SEL1L: variants seen among roughly 807,000 people sequenced by gnomAD.
The protein encoded by SEL1L is SEL1L adaptor subunit of SYVN1 ubiquitin ligase.
A neutral mutation model predicts 109.8 loss-of-function variants in SEL1L; 52 were observed. That is an observed-to-expected ratio of 0.47 (90% confidence interval 0.38 to 0.60). SEL1L has a LOEUF of 0.60. Ranked by LOEUF, SEL1L falls within the 20% of genes least tolerant of loss-of-function variation. SEL1L has a pLI of 0.00. For missense variants in SEL1L, 749 were observed against 962.2 expected (o/e 0.78, Z 2.93); for synonymous variants, 373 against 339.6 (o/e 1.10, Z -1.08).
intron 3 of SEL1L, among the ~76,000 whole-genome samples, chr14:81,521,980 T>C (rs927825618): frequency 5.3e-5 from 8 of 152,162 alleles, no homozygotes; most frequent in Non-Finnish European, 1.2e-4. Context: ...GGCTAATGTG[T>C]ATGTTTGTCT....
intron 3 of SEL1L, among the ~76,000 whole-genome samples, chr14:81,513,941 C>T (rs1384621433): frequency 6.6e-6 from 1 of 152,220 alleles, no homozygotes; most frequent in Non-Finnish European, 1.5e-5. Context: ...GTGAGACTCG[C>T]CCATCTATCC....
chr14:81,526,673 G>T, intron 3 of SEL1L, 60 bp downstream of exon 3: 2 of 1,274,196 alleles, frequency 1.6e-6, no homozygotes, highest in Non-Finnish European at 2.3e-6. Flanking sequence ...TTATTCATTA[G>T]CTTAAAATTT....
At chr14:81,493,467 G>A (rs1048182924) in intron 11 of SEL1L, among the ~76,000 whole-genome samples, 1 of 151,896 alleles carries the variant, frequency 6.6e-6, no homozygotes, top group Non-Finnish European at 1.5e-5. Flanking sequence ...CCGAGACTGC[G>A]CCACTGCACT....
chr14:81,491,757 T>TTC lies in SEL1L; in HGVS notation c.1254+721_1254+722dup, dbSNP rs1297347505. ...TTTATAAAGTTTCTAGACTTAAATG[T>TTC]TCTGTTCCCTTGATTGAGAACACAG... On this transcript the variant is annotated intron_variant, in intron 12 of 20. Coordinates refer to ENST00000336735, the MANE Select transcript of SEL1L (RefSeq NM_005065.6). 2.0e-5 allele frequency among the ~76,000 whole-genome samples: 3 copies of TTC among 152,232 alleles called. No homozygotes were observed. In the East Asian group the frequency reaches 5.8e-4, roughly 29 times the overall value.
Position 81,479,727 on chromosome 14 carries a change from G to C in SEL1L, c.2060C>G (p.Ala687Gly). 6.2e-7 allele frequency: 1 copy of C among 1,612,998 alleles called. No homozygotes were observed. The highest frequency in any genetic ancestry group is 8.5e-7 in the Non-Finnish European group (1 of 1,179,604). ...GLGIKQDIHL[A>G]KRFYDMAAEA... ...AGCTGCCATGTCATAAAAACGTTTC[G>C]CAAGGTGAATATCCTATAATACAGG... The change falls in exon 20 of 21, where the codon GCG (alanine) becomes GGG (glycine). Residue 687 changes from alanine (A) to glycine (G), a missense_variant. Transcript: ENST00000336735.
intron 20 of SEL1L, among the ~76,000 whole-genome samples, chr14:81,478,097 T>C (rs1903225806): frequency 6.6e-6 from 1 of 152,248 alleles, no homozygotes; most frequent in Non-Finnish European, 1.5e-5. Context: ...ATTGTTTTAG[T>C]ATCACTGATA....
chr14:81,533,741 G>C lies in SEL1L; in HGVS notation c.4C>G (p.Arg2Gly). ...AGCAGCGTCAGCCCTATCCGGACCC[G>C]CATCCTCCTCTCGGGGCCGGTGCCA... Reference protein sequence around the residue: MRVRIGLTLLLC... With the variant: MGVRIGLTLLLC... Residue 2 changes from arginine to glycine, a missense_variant, in exon 1 of 21, where the codon CGG (arginine) becomes GGG (glycine). Transcript: ENST00000336735. The C allele has an allele frequency of 6.2e-7, 1 of 1,612,892 alleles. No individual in the cohort carries two copies. Among genetic ancestry groups the C allele is most frequent in the Non-Finnish European group, 8.5e-7 (1 of 1,179,580 alleles).
intron 3 of SEL1L, among the ~76,000 whole-genome samples, chr14:81,523,048 T>G (rs1884985022): frequency 6.6e-6 from 1 of 152,192 alleles, no homozygotes; most frequent in Non-Finnish European, 1.5e-5. Context: ...ATATTTGATC[T>G]TCATCCGTTT....
chr14:81,493,609 T>C (rs1261291868), intron 11 of SEL1L, among the ~76,000 whole-genome samples: 1 of 152,216 alleles, frequency 6.6e-6, no homozygotes, highest in African/African-American at 2.4e-5. Context: ...TCTCCAATGA[T>C]GACTGTTCTG....
At chr14:81,488,005 GATTT>G (rs1459444122) in intron 14 of SEL1L, 63 bp from the exon 15 acceptor site, 3 of 1,252,582 alleles carry the variant, frequency 2.4e-6, no homozygotes, top group South Asian at 1.4e-5. Context: ...AAAGTTAAGA[GATTT>G]ATTTAAAAAA....
chr14:81,500,333 A>G (rs540041559), intron 6 of SEL1L, among the ~76,000 whole-genome samples: 19 of 152,092 alleles, frequency 1.2e-4, no homozygotes, highest in Admixed American at 4.6e-4. Flanking sequence ...TCCCAGATTC[A>G]AGCAATTCTC....
At chr14:81,504,358 T>A (rs768091713) in intron 4 of SEL1L, 52 bp from the exon 5 acceptor site, 1 of 1,297,216 alleles carries the variant, frequency 7.7e-7, no homozygotes, top group Non-Finnish European at 1.1e-6. Context: ...CTATCAATTA[T>A]CAACCATTAG....
chr14:81,506,277 C>G lies in SEL1L; in HGVS notation c.341-36G>C, dbSNP rs376359451. 2.0e-6 allele frequency: 3 copies of G among 1,518,758 alleles called. No homozygotes were observed. The African/African-American group carries it at 4.2e-5, about 21-fold the overall frequency. 94.1% of individuals were successfully genotyped at this position (1,518,758 alleles called of 1,614,324 possible). A position where few individuals can be genotyped will look rare whatever the true frequency, so the allele number is the denominator to read the frequency against. ...AAGAAATAAAAATCTAAACATGAAA[C>G]AACACCTCTGGTATTCATGGATTCA... On this transcript the variant is annotated intron_variant, in intron 3 of 20. Coordinates refer to ENST00000336735, the MANE Select transcript of SEL1L (RefSeq NM_005065.6).
chr14:81,500,809 G>C (rs1298158731), intron 6 of SEL1L, among the ~76,000 whole-genome samples: 5 of 152,124 alleles, frequency 3.3e-5, no homozygotes, highest in Non-Finnish European at 7.4e-5. Flanking sequence ...GAAAAAGGCT[G>C]CTCTACAATG....
Position 81,471,902 on chromosome 14 carries a change from C to G in SEL1L, c.*5070G>C, listed in dbSNP as rs1015037100. 2 of 152,138 alleles carry G rather than the reference C, an allele frequency of 1.3e-5. No homozygotes were observed. Among genetic ancestry groups the G allele is most frequent in the African/African-American group, 4.8e-5 (2 of 41,400 alleles). 9.4% of individuals were successfully genotyped at this position (152,138 alleles called of 1,614,324 possible). On this transcript the variant is annotated 3_prime_UTR_variant, in exon 21 of 21. Transcript: ENST00000336735. ...GTACCTCCTTTTGAACTGATTAACGCTCACTTTTTCTTATTCGTAAAAAAA... is the reference window on the plus strand; with the variant it reads ...GTACCTCCTTTTGAACTGATTAACGGTCACTTTTTCTTATTCGTAAAAAAA...
At chr14:81,513,870 G>A (rs566116355) in intron 3 of SEL1L, among the ~76,000 whole-genome samples, 1 of 152,140 alleles carries the variant, frequency 6.6e-6, no homozygotes, top group Non-Finnish European at 1.5e-5. Context: ...CAGCTCCGGG[G>A]TCCCGACAAG....
rs762073502 is a variant in SEL1L at position 81,533,771 on chromosome 14, C to T, written c.-27G>A. 1.9e-6 allele frequency: 3 copies of T among 1,607,906 alleles called. No individual in the cohort carries two copies. Among genetic ancestry groups the T allele is most frequent in the East Asian group, 2.2e-5 (1 of 44,630 alleles). The stretch of plus-strand genomic sequence containing the variant: ...CTCCTCTCGGGGCCGGTGCCAACCC[C>T]TAGAGCTGTCGCCTTCGCCTCTGCC... On this transcript the variant is annotated 5_prime_UTR_variant, in exon 1 of 21. Coordinates refer to ENST00000336735, the MANE Select transcript of SEL1L (RefSeq NM_005065.6).
At chr14:81,531,476 G>A (rs979283248) in intron 1 of SEL1L, among the ~76,000 whole-genome samples, 1 of 152,166 alleles carries the variant, frequency 6.6e-6, no homozygotes, top group African/African-American at 2.4e-5. Context: ...TAAACTTTGA[G>A]GCCGAAACCC....
rs373552779 is a variant in SEL1L, at chr14:81,475,747, T to G, written c.*1225A>C. 1 of 152,250 alleles carries G rather than the reference T, an allele frequency of 6.6e-6. No homozygotes were observed. The highest frequency in any genetic ancestry group is 1.5e-5 in the Non-Finnish European group (1 of 68,046). 9.4% of individuals were successfully genotyped at this position (152,250 alleles called of 1,614,324 possible). On this transcript the variant is annotated 3_prime_UTR_variant, in exon 21 of 21. Transcript: ENST00000336735. ...TATTTAACCAGACAATCCTGAAGCA[T>G]AGTAGCCTTGATTTTCCTAATGTTA...
Sources: allele counts gnomAD v4.1 joint callset (sites outside exome capture counted in the v4.1 genomes callset), GRCh38; gene constraint gnomAD v4.1.1; transcripts MANE v1.5; gene names NCBI Gene and HGNC (gene_info 2026-07-23, HGNC 2026-07-21).